The following LMLN variants were observed in gnomAD, a reference collection of about 807,000 sequenced individuals.
LMLN encodes the protein leishmanolysin-like peptidase.
LMLN carries 70 observed loss-of-function variants against 92.3 expected under a neutral mutation model. The ratio of observed to expected loss-of-function variants is 0.76; its 90% CI spans 0.63 to 0.92. The LOEUF is 0.92. Among genes scored for constraint, LMLN ranks in the 40% least tolerant of loss-of-function variants. The pLI is 0.00. For missense variants in LMLN, 691 were observed against 814.6 expected, an observed-to-expected ratio of 0.85 and a Z score of 1.85; for synonymous variants, 308 against 296.2, an observed-to-expected ratio of 1.04 and a Z score of -0.41.
intron 11 of LMLN, among the ~76,000 whole-genome samples, chr3:198,000,148 T>TCC (rs1382658085): frequency 6.6e-6 from 1 of 152,150 alleles, no homozygotes; most frequent in African/African-American, 2.4e-5. Context: ...TGCCTTGGCC[T>TCC]CCCAAAGTGC....
intron 5 of LMLN, among the ~76,000 whole-genome samples, chr3:197,977,987 TAC>T (rs1404396110): frequency 5.4e-5 from 8 of 149,084 alleles, no homozygotes; most frequent in African/African-American, 2.0e-4. Flanking sequence ...AATCTGGAAG[TAC>T]ACACACGTTA....
exon 4 of LMLN, chr3:197,976,050 A>C: frequency 6.2e-7 from 1 of 1,600,438 alleles, no homozygotes; most frequent in Non-Finnish European, 8.5e-7. Context: ...CCCACAAGCG[A>C]TTTCTTATTT....
At position 197,990,695 on chromosome 3, in the gene LMLN, C is replaced by A. The variant is rs1433163674; in HGVS notation, c.1047+19C>A. 1.7e-6 allele frequency: 2 copies of A among 1,161,780 alleles called. No homozygotes were observed. The highest frequency in any genetic ancestry group is 3.0e-5 in the African/African-American group (2 of 66,020). The allele number at this position is 1,161,780 out of a possible 1,614,324, so 72.0% of individuals were successfully genotyped here. A position where few individuals can be genotyped will look rare whatever the true frequency, so the allele number is the denominator to read the frequency against. ...TGTTGTTGTAAGTATTATCAGACTT[C>A]ATGTCTCATGAGCCATCTGTTCTTT... is the stretch of plus-strand genomic sequence containing the variant. On this transcript the variant is annotated intron_variant, in intron 9 of 15. Transcript: ENST00000330198.
At chr3:197,978,886 G>A (rs1721477216) in intron 5 of LMLN, among the ~76,000 whole-genome samples, 11 of 152,110 alleles carry the variant, frequency 7.2e-5, no homozygotes, top group Admixed American at 7.2e-4. Context: ...AGTTCCTCAG[G>A]AGGCTGAGGC....
intron 10 of LMLN, among the ~76,000 whole-genome samples, chr3:197,998,140 C>G (rs1395582759): frequency 6.6e-6 from 1 of 152,232 alleles, no homozygotes. Context: ...CCTCCCCATG[C>G]AGCTCAAGTA....
At chr3:198,040,564 C>T (rs572778968) in exon 16 of LMLN, 1,706 of 145,934 alleles carry the variant, frequency 0.012, no homozygotes, top group African/African-American at 0.014. Context: ...CCACAACCCT[C>T]GGACAGACTC....
At chr3:198,013,662 C>T (rs1722521565) in intron 11 of LMLN, among the ~76,000 whole-genome samples, 1 of 132,166 alleles carries the variant, frequency 7.6e-6, no homozygotes, top group Non-Finnish European at 1.6e-5. Flanking sequence ...TTCAGAGCCC[C>T]CTAACTAGTC....
chr3:198,019,421 C>G lies in LMLN; in HGVS notation c.1365+36C>G. 3 of 1,569,900 alleles carry G rather than the reference C, an allele frequency of 1.9e-6. No individual in the cohort carries two copies. The highest frequency in any genetic ancestry group is 2.6e-6 in the Non-Finnish European group (3 of 1,161,516). On this transcript the variant is annotated intron_variant, in intron 12 of 15. Transcript: ENST00000330198. The surrounding 1 kb of genome is among the most constrained non-coding windows in gnomAD (Gnocchi z 5.5). ...GCTGGGGCACAGTTTCAGGAATCAG[C>G]TTTTCAAAAGTAGTCTCCATTTTAA...
At chr3:198,001,260 AT>A (rs1224308678) in intron 11 of LMLN, among the ~76,000 whole-genome samples, 2 of 152,096 alleles carry the variant, frequency 1.3e-5, no homozygotes, top group African/African-American at 4.8e-5. Context: ...CTGTTTATTG[AT>A]TTACTACTGT....
intron 1 of LMLN, among the ~76,000 whole-genome samples, chr3:197,973,244 A>ATT (rs11434027): frequency 0.02 from 2,819 of 142,486 alleles, 54 homozygotes; most frequent in Non-Finnish European, 0.032. Flanking sequence ...GACATTTCTG[A>ATT]TTTTTTTTTT....
intron 1 of LMLN, among the ~76,000 whole-genome samples, chr3:197,970,075 C>T (rs1008857307): frequency 9.2e-5 from 14 of 151,974 alleles, no homozygotes; most frequent in Non-Finnish European, 1.9e-4. Flanking sequence ...TTGCTTGAAC[C>T]CAGGAGGCGG....
intron 1 of LMLN, among the ~76,000 whole-genome samples, chr3:197,967,756 T>G (rs1285134599): frequency 6.6e-6 from 1 of 152,120 alleles, no homozygotes; most frequent in Non-Finnish European, 1.5e-5. Flanking sequence ...CAGGGCATAT[T>G]TCAGTCCTTA....
intron 12 of LMLN, among the ~76,000 whole-genome samples, chr3:198,020,762 T>G (rs1722754451): frequency 7.2e-6 from 1 of 139,522 alleles, no homozygotes; most frequent in Non-Finnish European, 1.5e-5. Context: ...CCCAGCTAAT[T>G]TTTGTATTTT....
intron 11 of LMLN, among the ~76,000 whole-genome samples, chr3:198,006,044 G>T (rs780890103): frequency 2.0e-5 from 3 of 152,156 alleles, no homozygotes; most frequent in Non-Finnish European, 4.4e-5. Context: ...TTGAATCCAG[G>T]AGGCAGGGGT....
intron 14 of LMLN, among the ~76,000 whole-genome samples, chr3:198,026,954 A>T (rs892135346): frequency 6.6e-6 from 1 of 152,104 alleles, no homozygotes; most frequent in African/African-American, 2.4e-5. Flanking sequence ...TAGGAAATGT[A>T]TGTATATGTA....
At chr3:198,037,575 G>A (rs1285951019) in intron 15 of LMLN, among the ~76,000 whole-genome samples, 2 of 152,126 alleles carry the variant, frequency 1.3e-5, no homozygotes, top group South Asian at 2.1e-4. Context: ...ACTTGAACCC[G>A]GGAGGCGGAG....
In LMLN at chr3:197,976,723, A is replaced by C. The variant is rs1721394630; in HGVS notation, c.549+8A>C. Reference sequence around the variant, plus strand: ...CCTGAGGAACATCTCCAGGTATTTCACCCTGCTCTTGGCAGTGCTTTTACA... The same window carrying C: ...CCTGAGGAACATCTCCAGGTATTTCCCCCTGCTCTTGGCAGTGCTTTTACA... On this transcript the variant is annotated splice_region_variant and intron_variant, in intron 5 of 15. Transcript: ENST00000330198. 1 of 1,426,864 alleles carries C rather than the reference A, an allele frequency of 7.0e-7. No homozygotes were observed. The highest frequency in any genetic ancestry group is 1.4e-5 in the African/African-American group (1 of 69,908). The allele number at this position is 1,426,864 out of a possible 1,614,324, so 88.4% of individuals were successfully genotyped here.
At chr3:197,965,299 G>A (rs533700325) in intron 1 of LMLN, among the ~76,000 whole-genome samples, 5 of 150,712 alleles carry the variant, frequency 3.3e-5, no homozygotes, top group African/African-American at 7.3e-5. Flanking sequence ...GATTACAAGC[G>A]TGAGCCACTG....
At chr3:197,960,302 C>T in exon 1 of LMLN, 1 of 1,613,832 alleles carries the variant, frequency 6.2e-7, no homozygotes. Flanking sequence ...CGGGCCGGAG[C>T]CGGTGGCGCT....
Sources: gnomAD v4.1 joint callset for allele counts (sites outside exome capture counted in the v4.1 genomes callset) on GRCh38, gnomAD v4.1.1 for gene constraint, Gnocchi (gnomAD v3.1) non-coding constraint, MANE v1.5 for transcripts, NCBI Gene and HGNC (gene_info 2026-07-23, HGNC 2026-07-21) for gene names.